KSR1: variants seen among roughly 807,000 people sequenced by gnomAD.
The protein encoded by KSR1 is kinase suppressor of ras 1.
A neutral mutation model predicts 92.9 loss-of-function variants in KSR1; 35 were observed. The observed-to-expected ratio is 0.38, with a 90% CI of 0.29 to 0.50. The LOEUF (loss-of-function observed/expected upper bound fraction) is 0.50, where lower values mean the gene tolerates loss of function less well. Ranked by LOEUF, KSR1 falls within the 20% of genes least tolerant of loss-of-function variation. The pLI is 0.94. For synonymous variants in KSR1, 467 were observed against 472.6 expected (o/e 0.99, Z 0.15); for missense variants, 972 against 1,158.5 (o/e 0.84, Z 2.34).
intron 1 of KSR1, among the ~76,000 whole-genome samples, chr17:27,522,335 C>T (rs768260425): frequency 6.6e-6 from 1 of 152,240 alleles, no homozygotes; most frequent in African/African-American, 2.4e-5. Context: ...ACCACGCAAT[C>T]CTCCACACAG....
Position 27,490,476 on chromosome 17 carries a change from C to T in KSR1, c.231+33602C>T, listed in dbSNP as rs554525216. Reference sequence around the variant, plus strand: ...GCCAGAGCAATCCCCCTTTTTTTCCCGAGTGAAATCTTACATGGAAAGCCA... The same window carrying T: ...GCCAGAGCAATCCCCCTTTTTTTCCTGAGTGAAATCTTACATGGAAAGCCA... On this transcript the variant is annotated intron_variant, in intron 1 of 20. Coordinates refer to ENST00000644974, the MANE Select transcript of KSR1 (RefSeq NM_001394583.1). 2.2e-4 allele frequency among the ~76,000 whole-genome samples: 33 copies of T among 151,968 alleles called. 1 individual carries two copies. Among genetic ancestry groups the T allele is most frequent in the African/African-American group, 6.8e-4 (28 of 41,454 alleles).
rs763169108 is a variant in KSR1 at position 27,582,902 on chromosome 17, G to A, written c.777G>A (p.Arg259=). 2 of 1,612,346 alleles carry A rather than the reference G, an allele frequency of 1.2e-6. No individual in the cohort carries two copies. Among genetic ancestry groups the A allele is most frequent in the African/African-American group, 1.3e-5 (1 of 74,858 alleles). Residue 259 remains arginine, a synonymous_variant, in exon 4 of 21, where the codon CGG becomes CGA. Transcript: ENST00000644974. ...GTATTCCCCTGCACGCCAGCGGCCG[G>A]CTGACCCCCCGTGCCCTGCACAGCT... ...DTCIPLHASG[R]LTPRALHSFI... is the part of the protein sequence containing the mutation.
intron 2 of KSR1, among the ~76,000 whole-genome samples, chr17:27,573,972 A>G (rs1258908338): frequency 6.6e-6 from 1 of 152,176 alleles, no homozygotes; most frequent in Admixed American, 6.5e-5. Flanking sequence ...AAGAATCCCT[A>G]TTTGCATTAT....
Position 27,467,575 on chromosome 17 carries a change from T to C in KSR1, c.231+10701T>C, listed in dbSNP as rs549543863. Among the ~76,000 whole-genome samples the C allele has an allele frequency of 5.3e-5, 8 of 152,194 alleles. No individual in the cohort carries two copies. The East Asian group carries it at 1.2e-3, about 22-fold the overall frequency. ...ATGGGTCTCTTAGGGTGTGGTTGCG[T>C]TTTTGGTCTTTTTTCCTGCAATAGA... On this transcript the variant is annotated intron_variant, in intron 1 of 20. Transcript: ENST00000644974.
intron 1 of KSR1, among the ~76,000 whole-genome samples, chr17:27,539,569 A>G (rs547510337): frequency 8.5e-5 from 13 of 152,324 alleles, no homozygotes; most frequent in South Asian, 4.2e-4. Flanking sequence ...TTGGAGTCCA[A>G]CGGTGCCGGG....
chr17:27,615,368 A>C (rs1263637442), intron 18 of KSR1, among the ~76,000 whole-genome samples: 2 of 152,110 alleles, frequency 1.3e-5, no homozygotes, highest in South Asian at 2.1e-4. Context: ...CTGGGATTAC[A>C]TTTTCTTTGT....
intron 1 of KSR1, among the ~76,000 whole-genome samples, chr17:27,509,175 T>A (rs1280998589): frequency 6.6e-6 from 1 of 152,208 alleles, no homozygotes; most frequent in East Asian, 1.9e-4. Flanking sequence ...GCAACCCTGC[T>A]TCCTAGGCCA....
chr17:27,478,543 G>A (rs143302956), intron 1 of KSR1, among the ~76,000 whole-genome samples: 19 of 152,230 alleles, frequency 1.2e-4, no homozygotes, highest in South Asian at 2.1e-4. Context: ...CCCAGTAAGC[G>A]CTTGATAAAC....
At chr17:27,468,468 A>G (rs113995337) in intron 1 of KSR1, among the ~76,000 whole-genome samples, 3,046 of 151,984 alleles carry the variant, frequency 0.02, 105 homozygotes, top group African/African-American at 0.07. Flanking sequence ...AGCTCAAGCA[A>G]TTTACCCACT....
chr17:27,543,960 A>G (rs781700049), intron 1 of KSR1, among the ~76,000 whole-genome samples: 2 of 152,186 alleles, frequency 1.3e-5, no homozygotes, highest in Admixed American at 1.3e-4. Flanking sequence ...TCCCACCCAT[A>G]TCTTCTGTAT....
chr17:27,564,614 T>C lies in KSR1; in HGVS notation c.373-12878T>C, dbSNP rs571007236. On this transcript the variant is annotated intron_variant, in intron 2 of 20. Transcript: ENST00000644974. The stretch of plus-strand genomic sequence containing the variant: ...CTACCTTCTACTGTAGTCATGCTTG[T>C]CCATGAAGGGCTGTTTCCCTTGGCT... Among the ~76,000 whole-genome samples, 11 of 152,236 alleles carry C rather than the reference T, an allele frequency of 7.2e-5. No individual in the cohort carries two copies. In the East Asian group the frequency reaches 2.1e-3, roughly 29 times the overall value.
At chr17:27,504,191 A>C (rs1054728391) in intron 1 of KSR1, among the ~76,000 whole-genome samples, 1 of 152,168 alleles carries the variant, frequency 6.6e-6, no homozygotes, top group Non-Finnish European at 1.5e-5. Flanking sequence ...GAGAGGTTTA[A>C]TGACTTACCC....
Position 27,604,700 on chromosome 17 carries a change from C to G in KSR1, c.1586C>G (p.Ala529Gly). ...CTTAGGCTCGATGACCAGCCGAAAG[C>G]AGATGTGTTGGAAGCTCACGAAGCG... The part of the protein sequence containing the change: ...DGTRLDDQPK[A>G]DVLEAHEAEA... The change falls in exon 13 of 21, where the codon GCA (alanine) becomes GGA (glycine). Residue 529 changes from alanine to glycine, a missense_variant. This residue lies in a region of KSR1 where 611 missense variants were observed against 668.0 expected (regional missense o/e 0.91). Coordinates refer to ENST00000644974, the MANE Select transcript of KSR1 (RefSeq NM_001394583.1). 1 of 1,614,050 alleles carries G rather than the reference C, an allele frequency of 6.2e-7. No homozygotes were observed. Among genetic ancestry groups the G allele is most frequent in the Non-Finnish European group, 8.5e-7 (1 of 1,179,882 alleles).
rs553667132 is a variant in KSR1 at position 27,567,223 on chromosome 17, G to A, written c.373-10269G>A. ...GAATCCATGTGCCATGGCCCTGAGT[G>A]GGTCTCAGGACCTGGGCGTTAGGGT... On this transcript the variant is annotated intron_variant, in intron 2 of 20. Transcript: ENST00000644974. Among the ~76,000 whole-genome samples the A allele has an allele frequency of 9.2e-5, 14 of 152,310 alleles. No individual in the cohort carries two copies. In the East Asian group the frequency reaches 2.5e-3, roughly 27 times the overall value.
In KSR1 at chr17:27,604,665, C is replaced by G; in HGVS notation, c.1566-15C>G. The G allele has an allele frequency of 1.2e-6, 2 of 1,613,906 alleles. No individual in the cohort carries two copies. Among genetic ancestry groups the G allele is most frequent in the South Asian group, 1.1e-5 (1 of 91,084 alleles). ...GTTCCTCAAGGTCTCCTTGACAAAC[C>G]TTGTTTACTCTTAGGCTCGATGACC... On this transcript the variant is annotated splice_polypyrimidine_tract_variant and intron_variant, in intron 12 of 20. Coordinates refer to ENST00000644974, the MANE Select transcript of KSR1 (RefSeq NM_001394583.1).
chr17:27,568,865 T>C (rs2072192317), intron 2 of KSR1, among the ~76,000 whole-genome samples: 1 of 152,176 alleles, frequency 6.6e-6, no homozygotes, highest in Non-Finnish European at 1.5e-5. Flanking sequence ...CTGCCATCCC[T>C]GAAAGGGCCT....
intron 1 of KSR1, among the ~76,000 whole-genome samples, chr17:27,537,172 T>A (rs1260945087): frequency 6.6e-6 from 1 of 152,202 alleles, no homozygotes; most frequent in Non-Finnish European, 1.5e-5. Flanking sequence ...AGTGCAGTGG[T>A]GCAGCTGGGG....
intron 1 of KSR1, among the ~76,000 whole-genome samples, chr17:27,546,762 G>T (rs537276118): frequency 6.6e-6 from 1 of 152,298 alleles, no homozygotes; most frequent in African/African-American, 2.4e-5. Context: ...AGTGGGGTAA[G>T]CCAGGATAGG....
At chr17:27,486,379 C>A (rs1256523687) in intron 1 of KSR1, among the ~76,000 whole-genome samples, 3 of 152,198 alleles carry the variant, frequency 2.0e-5, no homozygotes, top group Non-Finnish European at 2.9e-5. Flanking sequence ...GGTAAGTGCT[C>A]CCCAACCCCA....
Sources: allele counts gnomAD v4.1 joint callset (sites outside exome capture counted in the v4.1 genomes callset), GRCh38; gene constraint gnomAD v4.1.1; regional missense constraint gnomAD v4.1.1; transcripts MANE v1.5; gene names NCBI Gene and HGNC (gene_info 2026-07-23, HGNC 2026-07-21).